ARHGAP26: variants seen among roughly 807,000 people sequenced by gnomAD.
ARHGAP26 encodes Rho GTPase activating protein 26, also known as rho GTPase-activating protein 26.
ARHGAP26 carries 38 observed loss-of-function variants against 104.8 expected under a neutral mutation model. That is an observed-to-expected ratio of 0.36 (90% CI 0.28 to 0.48). ARHGAP26 has a LOEUF of 0.48. ARHGAP26 is among the 20% of genes least tolerant of loss of function. The pLI is 0.99. For synonymous variants in ARHGAP26, 341 were observed against 340.0 expected (o/e 1.00, Z -0.03); for missense variants, 704 against 947.9 (o/e 0.74, Z 3.38).
At chr5:142,953,557 C>T (rs995613182) in intron 11 of ARHGAP26, among the ~76,000 whole-genome samples, 3 of 152,178 alleles carry the variant, frequency 2.0e-5, no homozygotes, top group Non-Finnish European at 2.9e-5. Context: ...TGTTTCACCA[C>T]CTTCTTCCTT....
chr5:143,020,433 A>G (rs1466032376), intron 12 of ARHGAP26, among the ~76,000 whole-genome samples: 7 of 152,280 alleles, frequency 4.6e-5, no homozygotes, highest in African/African-American at 1.4e-4. Context: ...GTCATATTCA[A>G]ACCATCTACA....
At chr5:142,852,732 G>A (rs1751733596) in intron 1 of ARHGAP26, among the ~76,000 whole-genome samples, 1 of 152,186 alleles carries the variant, frequency 6.6e-6, no homozygotes, top group Non-Finnish European at 1.5e-5. Context: ...GGAGGTCTGT[G>A]TTTCCCTGGA....
intron 11 of ARHGAP26, among the ~76,000 whole-genome samples, chr5:142,976,852 G>C (rs1430751957): frequency 3.9e-5 from 6 of 152,164 alleles, no homozygotes; most frequent in African/African-American, 1.4e-4. Flanking sequence ...TCATCCTCAG[G>C]TAGGTTCTCC....
At chr5:142,867,622 A>G (rs991558476) in intron 1 of ARHGAP26, among the ~76,000 whole-genome samples, 1 of 152,100 alleles carries the variant, frequency 6.6e-6, no homozygotes, top group Admixed American at 6.5e-5. Context: ...AAGAGAGGAC[A>G]GTTGGTTGTG....
At chr5:142,850,926 G>T (rs773578836) in intron 1 of ARHGAP26, among the ~76,000 whole-genome samples, 1 of 152,170 alleles carries the variant, frequency 6.6e-6, no homozygotes, top group Non-Finnish European at 1.5e-5. Flanking sequence ...GCATTAGAGT[G>T]GTGGATAAGC....
Position 143,134,046 on chromosome 5 carries a change from C to T in ARHGAP26, c.1778C>T (p.Pro593Leu). 1 of 1,613,108 alleles carries T rather than the reference C, an allele frequency of 6.2e-7. No homozygotes were observed. The highest frequency in any genetic ancestry group is 1.1e-5 in the South Asian group (1 of 90,836). The change falls in exon 19 of 23, where the codon CCC (proline) becomes CTC (leucine). Residue 593 changes from proline (P) to leucine (L), a missense_variant. Around this residue, in one of 6 missense-constraint regions of ARHGAP26, gnomAD observed 217 missense variants for 242.6 expected, o/e 0.89. Coordinates refer to ENST00000645722, the MANE Select transcript of ARHGAP26 (RefSeq NM_001135608.3). ...CGGAAGAAGAGCAGTGACTCCAAGCCCCCGTCCTGCAGCGAGAGGCCCCTG... is the reference window on the plus strand; with the variant it reads ...CGGAAGAAGAGCAGTGACTCCAAGCTCCCGTCCTGCAGCGAGAGGCCCCTG... The part of the protein sequence containing the change: ...LSRKKSSDSK[P>L]PSCSERPLTL...
chr5:142,912,421 T>C (rs141655558), intron 9 of ARHGAP26, among the ~76,000 whole-genome samples: 4,555 of 152,278 alleles, frequency 0.03, 85 homozygotes, highest in Middle Eastern at 0.058. Context: ...GGAGGAGGGA[T>C]GGATTGCCAG....
chr5:143,183,601 C>G (rs948189177), intron 20 of ARHGAP26, among the ~76,000 whole-genome samples: 5 of 152,314 alleles, frequency 3.3e-5, no homozygotes, highest in African/African-American at 1.2e-4. Context: ...TTGAGCTCTT[C>G]CCTGCCCACA....
chr5:142,861,506 G>T (rs1158880462), intron 1 of ARHGAP26, among the ~76,000 whole-genome samples: 1 of 152,134 alleles, frequency 6.6e-6, no homozygotes, highest in African/African-American at 2.4e-5. Flanking sequence ...TGTGTCCAGG[G>T]ATCAGGTGGA....
At chr5:142,870,896 C>CA in intron 1 of ARHGAP26, among the ~76,000 whole-genome samples, 1 of 152,268 alleles carries the variant, frequency 6.6e-6, no homozygotes, top group Admixed American at 6.5e-5. Context: ...GGAGGTTCTC[C>CA]AAAACAAGCT....
chr5:142,785,704 A>T (rs867815244), intron 1 of ARHGAP26, among the ~76,000 whole-genome samples: 2 of 152,196 alleles, frequency 1.3e-5, no homozygotes, highest in South Asian at 4.1e-4. Flanking sequence ...TTATATGCTG[A>T]AATGGTGATG....
chr5:142,934,479 A>G (rs1461949152), intron 11 of ARHGAP26, among the ~76,000 whole-genome samples: 1 of 152,214 alleles, frequency 6.6e-6, no homozygotes, highest in Non-Finnish European at 1.5e-5. Context: ...TGTCTGTGTA[A>G]TTGACAGTAA....
chr5:142,987,162 T>G (rs949654520), intron 11 of ARHGAP26, among the ~76,000 whole-genome samples: 7 of 152,234 alleles, frequency 4.6e-5, no homozygotes, highest in African/African-American at 1.7e-4. Context: ...GTGTCCTCTT[T>G]TATTTCGTTG....
intron 18 of ARHGAP26, among the ~76,000 whole-genome samples, chr5:143,128,936 A>G (rs1429046541): frequency 6.6e-6 from 1 of 152,224 alleles, no homozygotes; most frequent in African/African-American, 2.4e-5. Context: ...ACAGCACATA[A>G]TAAAGAGTAC....
intron 11 of ARHGAP26, among the ~76,000 whole-genome samples, chr5:142,997,990 A>G (rs1181741319): frequency 6.6e-6 from 1 of 152,230 alleles, no homozygotes; most frequent in Non-Finnish European, 1.5e-5. Flanking sequence ...ACAGAAATAC[A>G]CATAAAATAG....
chr5:142,862,653 G>T (rs1353948872), intron 1 of ARHGAP26, among the ~76,000 whole-genome samples: 2 of 152,196 alleles, frequency 1.3e-5, no homozygotes, highest in African/African-American at 4.8e-5. Context: ...GGCCCTGACT[G>T]TGTGAACCTG....
At chr5:142,872,717 T>C (rs1660888508) in intron 1 of ARHGAP26, among the ~76,000 whole-genome samples, 1 of 152,236 alleles carries the variant, frequency 6.6e-6, no homozygotes, top group Non-Finnish European at 1.5e-5. Flanking sequence ...TTTACCCTAA[T>C]ACAAAATGTT....
In ARHGAP26 at chr5:143,223,651, C is replaced by T. The variant is rs1811439147; in HGVS notation, c.*1205C>T. ...TTTCAAGGTTAATTCCTAGGCTAAC[C>T]GTATGGCCTATAGTTTAAAAGCACA... is the stretch of plus-strand genomic sequence containing the variant. On this transcript the variant is annotated 3_prime_UTR_variant, in exon 23 of 23. Transcript: ENST00000645722. 1.3e-5 allele frequency: 3 copies of T among 231,164 alleles called. No individual in the cohort carries two copies. The highest frequency in any genetic ancestry group is 1.2e-4 in the East Asian group (2 of 16,254). The allele number at this position is 231,164 out of a possible 1,614,324, so 14.3% of individuals were successfully genotyped here. A position where few individuals can be genotyped will look rare whatever the true frequency, so the allele number is the denominator to read the frequency against.
At chr5:142,820,466 A>C (rs1478349572) in intron 1 of ARHGAP26, among the ~76,000 whole-genome samples, 1 of 152,158 alleles carries the variant, frequency 6.6e-6, no homozygotes, top group Non-Finnish European at 1.5e-5. Flanking sequence ...AACAAAAAAA[A>C]CCCACCTAAG....
Sources: allele counts gnomAD v4.1 joint callset (sites outside exome capture counted in the v4.1 genomes callset), GRCh38; gene constraint gnomAD v4.1.1; regional missense constraint gnomAD v4.1.1; transcripts MANE v1.5; gene names NCBI Gene and HGNC (gene_info 2026-07-23, HGNC 2026-07-21).